The following PRR5 variants were observed in gnomAD, a reference collection of about 807,000 sequenced individuals.
The protein encoded by PRR5 is proline rich 5.
In PRR5, 25 loss-of-function variants were observed where a neutral mutation model predicts 30.6. That is an observed-to-expected ratio of 0.82 (90% CI 0.60 to 1.14). PRR5 has a LOEUF of 1.14. PRR5 is among the 50% of genes most tolerant of loss of function. The probability of loss-of-function intolerance (pLI) is 0.00; values close to 1 mark genes in which losing one functional copy is unlikely to be tolerated. For synonymous variants in PRR5, 286 were observed against 247.1 expected, an observed-to-expected ratio of 1.16 and a Z score of -1.48; for missense variants, 600 against 547.1, an observed-to-expected ratio of 1.10 and a Z score of -0.96.
upstream of PRR5, among the ~76,000 whole-genome samples, chr22:44,673,711 ATGGTCCTTGGTAAATAGACCCCCTG>A (rs1006680478): frequency 6.6e-6 from 1 of 152,116 alleles, no homozygotes; most frequent in African/African-American, 2.4e-5. Flanking sequence ...GGTGGCGGTG[ATGGTCCTTGGTAAATAGACCCCCTG>A]TGGAAAGGGA....
chr22:44,732,512 CAGAGGAGAAGCCTGTCAGGGCCAGGG>C, intron 6 of PRR5, 121 bp downstream of exon 6: 1 of 1,407,432 alleles, frequency 7.1e-7, no homozygotes, highest in Non-Finnish European at 9.5e-7. Context: ...AGGGCCCGAT[CAGAGGAGAAGCCTGTCAGGGCCAGGG>C]ACCGGGGAGC....
At chr22:44,722,096 T>C (rs2147115639) in intron 2 of PRR5, among the ~76,000 whole-genome samples, 1 of 152,304 alleles carries the variant, frequency 6.6e-6, no homozygotes, top group South Asian at 2.1e-4. Flanking sequence ...GGGGCACCAT[T>C]GTCTGTGATC....
chr22:44,732,463 G>T (rs1186857269), intron 6 of PRR5, 72 bp downstream of exon 6: 5 of 1,548,486 alleles, frequency 3.2e-6, no homozygotes, highest in African/African-American at 1.4e-5. Flanking sequence ...CCCACAGGCA[G>T]AGCATGAGAT....
chr22:44,724,123 A>G (rs764506092), intron 2 of PRR5, among the ~76,000 whole-genome samples: 6 of 152,202 alleles, frequency 3.9e-5, no homozygotes, highest in African/African-American at 1.4e-4. Context: ...AGGACTGCCT[A>G]TAATTCAGGA....
At chr22:44,687,413 T>C (rs1388601157) in intron 1 of PRR5, among the ~76,000 whole-genome samples, 1 of 152,214 alleles carries the variant, frequency 6.6e-6, no homozygotes, top group Non-Finnish European at 1.5e-5. Context: ...CTGGGGCCAC[T>C]TTCTCATCGG....
chr22:44,676,441 AAAG>A (rs1923774908), upstream of PRR5, among the ~76,000 whole-genome samples: 1 of 151,686 alleles, frequency 6.6e-6, no homozygotes, highest in Non-Finnish European at 1.5e-5. Context: ...GAAGAGAAGA[AAAG>A]AAAAGAAAAA....
At position 44,714,577 on chromosome 22, in the gene PRR5, C is replaced by G. The variant is rs781002501; in HGVS notation, c.135-14C>G. 3.1e-6 allele frequency: 5 copies of G among 1,612,106 alleles called. No homozygotes were observed. In the South Asian group the frequency reaches 5.5e-5, roughly 18 times the overall value. ...GACCTCAGGACTGCAGTGTTTTCTT[C>G]CCTCTGCCCCCAGCATCCACAACGG... On this transcript the variant is annotated splice_polypyrimidine_tract_variant and intron_variant, in intron 1 of 7. Transcript: ENST00000336985.
intron 7 of PRR5, among the ~76,000 whole-genome samples, 156 bp downstream of exon 7, chr22:44,735,318 C>G (rs1315022414): frequency 6.6e-6 from 1 of 152,200 alleles, no homozygotes; most frequent in Non-Finnish European, 1.5e-5. Flanking sequence ...CATATGCTGG[C>G]CTGGACGTGG....
chr22:44,717,709 C>T (rs1929292647), intron 2 of PRR5, among the ~76,000 whole-genome samples: 1 of 151,256 alleles, frequency 6.6e-6, no homozygotes, highest in South Asian at 2.1e-4. Context: ...GTACTTACCC[C>T]TGCTTTGCTT....
chr22:44,669,247 A>G (rs1423333822), intron 1 of PRR5, among the ~76,000 whole-genome samples: 2 of 150,334 alleles, frequency 1.3e-5, no homozygotes, highest in African/African-American at 4.9e-5. Context: ...CTCCCTCGCC[A>G]TTGCTCCCCC....
chr22:44,721,495 G>A (rs1294518150), intron 2 of PRR5, among the ~76,000 whole-genome samples: 3 of 152,186 alleles, frequency 2.0e-5, no homozygotes, highest in Non-Finnish European at 4.4e-5. Flanking sequence ...TGAAGACTTG[G>A]CCCAACCAAT....
chr22:44,726,769 T>A, intron 4 of PRR5, 135 bp downstream of exon 4: 1 of 1,361,444 alleles, frequency 7.3e-7, no homozygotes, highest in Non-Finnish European at 1.0e-6. Flanking sequence ...AAGGAACACG[T>A]ATAGCCTTAG....
intron 5 of PRR5, 152 bp downstream of exon 5, chr22:44,731,973 T>G (rs1463937411): frequency 9.7e-6 from 9 of 932,350 alleles, no homozygotes; most frequent in African/African-American, 1.7e-5. Flanking sequence ...GCTCAGAGCC[T>G]GTTTCCACCC....
chr22:44,730,884 T>A (rs1392156796), intron 4 of PRR5: 1 of 446,780 alleles, frequency 2.2e-6, no homozygotes, highest in Non-Finnish European at 4.6e-6. Flanking sequence ...GGGGGGTCGA[T>A]CACCCCTGGC....
At chr22:44,702,995 C>T (rs1926590824) in intron 1 of PRR5, among the ~76,000 whole-genome samples, 1 of 152,174 alleles carries the variant, frequency 6.6e-6, no homozygotes, top group African/African-American at 2.4e-5. Flanking sequence ...TGCGGCTGAG[C>T]ACGGGAGCCT....
intron 7 of PRR5, among the ~76,000 whole-genome samples, chr22:44,735,532 C>T (rs1035837138): frequency 1.3e-5 from 2 of 152,182 alleles, no homozygotes; most frequent in Non-Finnish European, 2.9e-5. Context: ...GGGAGGGACT[C>T]GGCCTGGGGG....
intron 2 of PRR5, among the ~76,000 whole-genome samples, chr22:44,715,910 A>C (rs1307941111): frequency 5.9e-5 from 9 of 152,148 alleles, no homozygotes; most frequent in Non-Finnish European, 2.9e-5. Flanking sequence ...CAGCCTCTCA[A>C]AGTGTTAGAA....
chr22:44,733,216 GC>G (rs1439780025), intron 6 of PRR5, among the ~76,000 whole-genome samples: 1 of 152,232 alleles, frequency 6.6e-6, no homozygotes, highest in Non-Finnish European at 1.5e-5. Context: ...TCCACCGCAA[GC>G]CAGGGGTTTC....
chr22:44,703,768 A>G (rs2147013916), intron 1 of PRR5, among the ~76,000 whole-genome samples: 1 of 152,258 alleles, frequency 6.6e-6, no homozygotes, highest in African/African-American at 2.4e-5. Context: ...CTGTAATCCT[A>G]GCACTTTGGG....
Sources: allele counts gnomAD v4.1 joint callset (sites outside exome capture counted in the v4.1 genomes callset), GRCh38; gene constraint gnomAD v4.1.1; transcripts MANE v1.5; gene names NCBI Gene and HGNC (gene_info 2026-07-23, HGNC 2026-07-21).